LMBRD2: variants seen among roughly 807,000 people sequenced by gnomAD.
LMBRD2 encodes the protein LMBR1 domain containing 2.
LMBRD2 carries 55 observed loss-of-function variants against 94.4 expected under a neutral mutation model. The observed-to-expected ratio is 0.58, with a 90% CI of 0.47 to 0.73. LMBRD2 has a LOEUF of 0.73. LMBRD2 is among the 30% of genes least tolerant of loss of function. The pLI is 0.00. For missense variants in LMBRD2, 640 were observed against 831.9 expected, an observed-to-expected ratio of 0.77 and a Z score of 2.84; for synonymous variants, 246 against 272.4, an observed-to-expected ratio of 0.90 and a Z score of 0.95.
In LMBRD2 at chr5:36,117,834, C is replaced by T. The variant is rs752140640; in HGVS notation, c.1203G>A (p.Val401=). 4.3e-5 allele frequency: 69 copies of T among 1,613,764 alleles called. No homozygotes were observed. In the South Asian group the frequency reaches 7.2e-4, roughly 17 times the overall value. The change falls in exon 10 of 18, where the codon GTG becomes GTA. Residue 401 remains valine (V), a synonymous_variant. Transcript: ENST00000296603. ...VVLSIFSVIV[V]WSECTFFSTT... is the part of the protein sequence containing the mutation. ...TGCTAAAGAATGTGCACTCTGACCA[C>T]ACAACAATCACAGAGAAGATGGACA...
chr5:36,132,296 A>G (rs1163973678), intron 6 of LMBRD2, among the ~76,000 whole-genome samples: 4 of 152,134 alleles, frequency 2.6e-5, no homozygotes, highest in African/African-American at 7.2e-5. Context: ...CTCCCCATAT[A>G]TAAAAATCAA....
chr5:36,134,849 G>A (rs143793158), intron 6 of LMBRD2, among the ~76,000 whole-genome samples: 162 of 152,272 alleles, frequency 1.1e-3, no homozygotes, highest in East Asian at 2.1e-3. Context: ...TATCATTTAT[G>A]TTAAGACTTG....
chr5:36,127,814 A>G (rs1338082670), intron 6 of LMBRD2, among the ~76,000 whole-genome samples: 1 of 152,176 alleles, frequency 6.6e-6, no homozygotes, highest in African/African-American at 2.4e-5. Flanking sequence ...ACACACCCCA[A>G]CTCAGGGAGA....
At chr5:36,134,166 T>C (rs1169039302) in intron 6 of LMBRD2, among the ~76,000 whole-genome samples, 1 of 152,162 alleles carries the variant, frequency 6.6e-6, no homozygotes, top group African/African-American at 2.4e-5. Flanking sequence ...ATGGGAATGT[T>C]GAATATAACA....
At chr5:36,107,545 A>G (rs1743501378) in intron 16 of LMBRD2, among the ~76,000 whole-genome samples, 1 of 152,176 alleles carries the variant, frequency 6.6e-6, no homozygotes. Context: ...CACTCAACCT[A>G]TAGTTGATCT....
At chr5:36,104,959 T>C (rs1743428665) in intron 17 of LMBRD2, 109 bp downstream of exon 17, 1 of 1,032,228 alleles carries the variant, frequency 9.7e-7, no homozygotes, top group Non-Finnish European at 1.4e-6. Flanking sequence ...CCTTTACTTA[T>C]CACTTGTTTA....
intron 6 of LMBRD2, among the ~76,000 whole-genome samples, chr5:36,126,719 A>C (rs1393807164): frequency 6.6e-6 from 1 of 152,070 alleles, no homozygotes; most frequent in Non-Finnish European, 1.5e-5. Flanking sequence ...TGCATATATC[A>C]ATTTCAGAGA....
chr5:36,107,634 C>A (rs1174720720), intron 16 of LMBRD2, among the ~76,000 whole-genome samples: 1 of 152,172 alleles, frequency 6.6e-6, no homozygotes, highest in Non-Finnish European at 1.5e-5. Flanking sequence ...AATCCTATGA[C>A]CTTGTACTTA....
intron 9 of LMBRD2, 55 bp from the exon 10 acceptor site, chr5:36,117,971 T>C: frequency 7.6e-7 from 1 of 1,311,144 alleles, no homozygotes; most frequent in Non-Finnish European, 1.1e-6. Context: ...TAATGGGATA[T>C]TTACATTGTT....
At position 36,137,389 on chromosome 5, in the gene LMBRD2, T is replaced by C. The variant is rs750782154; in HGVS notation, c.421A>G (p.Thr141Ala). The C allele has an allele frequency of 3.5e-5, 56 of 1,602,058 alleles. No homozygotes were observed. Among genetic ancestry groups the C allele is most frequent in the Non-Finnish European group, 4.8e-5 (56 of 1,171,708 alleles). Residue 141 changes from threonine to alanine, a missense_variant, in exon 5 of 18, where the codon ACT becomes GCT. Transcript: ENST00000296603. ...ATTAGTGCAGTTTTGATCTTTCCAG[T>C]GATGGAAAACCCTCCTGATCTTGCA... ...SYARSGGFSITGKIKTALIEN... is the reference protein window; with the variant it reads ...SYARSGGFSIAGKIKTALIEN...
intron 1 of LMBRD2, among the ~76,000 whole-genome samples, chr5:36,150,566 TCAAA>T (rs1339997138): frequency 6.6e-6 from 1 of 152,236 alleles, no homozygotes; most frequent in Admixed American, 6.5e-5. Flanking sequence ...GGACGTAGCT[TCAAA>T]CAAAGGCAAA....
At chr5:36,147,531 T>C (rs1039717633) in intron 1 of LMBRD2, among the ~76,000 whole-genome samples, 11 of 152,234 alleles carry the variant, frequency 7.2e-5, no homozygotes, top group African/African-American at 2.4e-4. Context: ...ATCGTACCCT[T>C]CAAAACACCA....
chr5:36,139,378 A>G (rs1180263377), intron 4 of LMBRD2, among the ~76,000 whole-genome samples: 1 of 152,182 alleles, frequency 6.6e-6, no homozygotes, highest in African/African-American at 2.4e-5. Context: ...ACTGGTTGGC[A>G]TGAACAGCCT....
At chr5:36,108,415 A>G in intron 16 of LMBRD2, 119 bp downstream of exon 16, 2 of 505,132 alleles carry the variant, frequency 4.0e-6, no homozygotes, top group Non-Finnish European at 7.1e-6. Context: ...AGTCACTGCA[A>G]ATATACCATT....
chr5:36,115,715 T>TACACACACACAC (rs142065535), intron 11 of LMBRD2, among the ~76,000 whole-genome samples: 2 of 149,906 alleles, frequency 1.3e-5, no homozygotes, highest in African/African-American at 4.9e-5. Context: ...TACAGGAATC[T>TACACACACACAC]ACACACACAC....
chr5:36,129,669 G>A (rs1744087952), intron 6 of LMBRD2, among the ~76,000 whole-genome samples: 1 of 151,944 alleles, frequency 6.6e-6, no homozygotes, highest in South Asian at 2.1e-4. Flanking sequence ...TCATCTGAAG[G>A]TACAAAACTC....
At chr5:36,144,155 TAG>T (rs1561524296) in intron 1 of LMBRD2, among the ~76,000 whole-genome samples, 2 of 152,232 alleles carry the variant, frequency 1.3e-5, no homozygotes, top group Non-Finnish European at 2.9e-5. Flanking sequence ...CATCAGCGAA[TAG>T]TTTACTTGAT....
intron 1 of LMBRD2, among the ~76,000 whole-genome samples, chr5:36,150,958 C>T (rs1744687690): frequency 1.3e-5 from 2 of 152,182 alleles, no homozygotes; most frequent in Non-Finnish European, 2.9e-5. Flanking sequence ...AGCTGTTATG[C>T]TTCCTTATGA....
At chr5:36,106,009 C>T (rs1743457553) in intron 16 of LMBRD2, among the ~76,000 whole-genome samples, 1 of 152,152 alleles carries the variant, frequency 6.6e-6, no homozygotes, top group Non-Finnish European at 1.5e-5. Flanking sequence ...TAAGCTTGGA[C>T]TCTGTCCCAA....
Sources: allele counts gnomAD v4.1 joint callset (sites outside exome capture counted in the v4.1 genomes callset), GRCh38; gene constraint gnomAD v4.1.1; transcripts MANE v1.5; gene names NCBI Gene and HGNC (gene_info 2026-07-23, HGNC 2026-07-21).